The following CFI variants were observed in gnomAD, a reference collection of about 807,000 sequenced individuals.
The protein encoded by CFI is C3B/C4B inactivator.
CFI carries 66 observed loss-of-function variants against 78.8 expected under a neutral mutation model. The ratio of observed to expected loss-of-function variants is 0.84; its 90% CI spans 0.69 to 1.03. The LOEUF is 1.03. CFI is among the 50% of genes least tolerant of loss of function. The pLI is 0.00. For synonymous variants in CFI, 250 were observed against 232.6 expected (o/e 1.07, Z -0.68); for missense variants, 706 against 704.5 (o/e 1.00, Z -0.02).
At chr4:109,769,988 A>G (rs911791211) in intron 1 of CFI, among the ~76,000 whole-genome samples, 2 of 152,178 alleles carry the variant, frequency 1.3e-5, no homozygotes, top group Non-Finnish European at 2.9e-5. Flanking sequence ...ACCTGTGGGA[A>G]GCCCTTTCAC....
chr4:109,800,118 C>T (rs966049178), intron 1 of CFI, among the ~76,000 whole-genome samples: 1 of 152,022 alleles, frequency 6.6e-6, no homozygotes, highest in Non-Finnish European at 1.5e-5. Flanking sequence ...CACTGCACAC[C>T]CTCCTGTGTG....
chr4:109,765,375 A>G (rs760819816), intron 2 of CFI, among the ~76,000 whole-genome samples: 9 of 152,252 alleles, frequency 5.9e-5, no homozygotes, highest in Non-Finnish European at 1.2e-4. Flanking sequence ...GAAGACAATG[A>G]ACCTAAGCTT....
chr4:109,769,580 C>T (rs183550621), intron 1 of CFI, among the ~76,000 whole-genome samples: 2 of 152,134 alleles, frequency 1.3e-5, no homozygotes, highest in African/African-American at 4.8e-5. Flanking sequence ...CTCTCTCATG[C>T]GGGGTACTAT....
rs377394307 is a variant in CFI, at chr4:109,785,462, A to G, written c.57+16453T>C. ...ATTATTTATATATAAATACATTCAC[A>G]TATATTAGGAGCACATATTCAGAAA... On this transcript the variant is annotated intron_variant, in intron 1 of 12. Coordinates refer to ENST00000394634, the MANE Select transcript of CFI (RefSeq NM_000204.5). 6.6e-5 allele frequency among the ~76,000 whole-genome samples: 10 copies of G among 152,096 alleles called. No individual in the cohort carries two copies. The East Asian group carries it at 1.6e-3, about 24-fold the overall frequency.
At chr4:109,800,321 GTTTTTTTTTTTTTT>G (rs554145445) in intron 1 of CFI, among the ~76,000 whole-genome samples, 11 of 48,776 alleles carry the variant, frequency 2.3e-4, no homozygotes, top group Non-Finnish European at 2.8e-4. Context: ...TGGCTTCTCT[GTTTTTTTTTTTTTT>G]TTTTTTTTTT....
chr4:109,743,162 T>A (rs909713740), intron 11 of CFI, among the ~76,000 whole-genome samples: 1 of 152,200 alleles, frequency 6.6e-6, no homozygotes, highest in African/African-American at 2.4e-5. Flanking sequence ...CCTCCCAAAG[T>A]GCTGGGATTA....
intron 1 of CFI, 63 bp from the exon 2 acceptor site, chr4:109,766,887 T>A: frequency 6.4e-7 from 1 of 1,558,322 alleles, no homozygotes; most frequent in Non-Finnish European, 8.8e-7. Context: ...TGAAGATGAG[T>A]AAGTGAAGGA....
intron 1 of CFI, among the ~76,000 whole-genome samples, chr4:109,798,572 G>A (rs1444993646): frequency 6.6e-6 from 1 of 150,860 alleles, no homozygotes. Context: ...TGGTTCTTCT[G>A]GAACAGATTA....
chr4:109,738,715 G>A, downstream of CFI, among the ~76,000 whole-genome samples: 1 of 152,174 alleles, frequency 6.6e-6, no homozygotes, highest in South Asian at 2.1e-4. Context: ...AAGAGCCCAT[G>A]GGGAGAGTGC....
rs1433059338 is a variant in CFI at position 109,766,634 on chromosome 4, G to C, written c.248C>G (p.Pro83Arg). The C allele has an allele frequency of 3.7e-6, 6 of 1,613,978 alleles. No homozygotes were observed. The highest frequency in any genetic ancestry group is 1.6e-4 in the Middle Eastern group (1 of 6,084). ...AVCATNRRSF[P>R]TYCQQKSLEC... ...CAAACTCTTTTGTTGACAGTATGTT[G>C]GGAAGCTTCTCCTGTTAGTTGCACA... Residue 83 changes from proline (P) to arginine (R), a missense_variant, in exon 2 of 13, where the codon CCA (proline) becomes CGA (arginine). Physicochemically the swap from Pro to Arg is moderately radical, Grantham distance 103. Coordinates refer to ENST00000394634, the MANE Select transcript of CFI (RefSeq NM_000204.5).
intron 2 of CFI, among the ~76,000 whole-genome samples, 157 bp downstream of exon 2, chr4:109,766,397 A>G (rs1375473908): frequency 3.3e-5 from 5 of 152,154 alleles, no homozygotes; most frequent in Non-Finnish European, 7.3e-5. Context: ...GCAACCCCTG[A>G]TTTGTTTAGT....
chr4:109,749,395 G>A, intron 9 of CFI, 74 bp from the exon 10 acceptor site: 4 of 1,498,534 alleles, frequency 2.7e-6, no homozygotes, highest in Non-Finnish European at 3.7e-6. Context: ...TATTTCCATG[G>A]CAAGACTCCC....
At chr4:109,785,712 T>C (rs1032188628) in intron 1 of CFI, among the ~76,000 whole-genome samples, 1 of 152,098 alleles carries the variant, frequency 6.6e-6, no homozygotes, top group Admixed American at 6.6e-5. Flanking sequence ...CATAATTCTG[T>C]GTCAAGGGAG....
intron 12 of CFI, 112 bp from the exon 13 acceptor site, chr4:109,741,222 C>A: frequency 6.4e-7 from 1 of 1,569,354 alleles, no homozygotes; most frequent in African/African-American, 1.4e-5. Flanking sequence ...TTCCTGACAG[C>A]AATAGCATGG....
intron 1 of CFI, among the ~76,000 whole-genome samples, chr4:109,772,441 T>C (rs1728719940): frequency 1.3e-5 from 2 of 152,270 alleles, no homozygotes; most frequent in Non-Finnish European, 1.5e-5. Context: ...AATGCTATTA[T>C]GGTTAATAAG....
At chr4:109,764,749 T>A in intron 2 of CFI, 59 bp from the exon 3 acceptor site, 1 of 1,441,590 alleles carries the variant, frequency 6.9e-7, no homozygotes, top group Non-Finnish European at 9.5e-7. Context: ...TTCTCTTAAT[T>A]AAAAGTCTTT....
intron 1 of CFI, among the ~76,000 whole-genome samples, chr4:109,793,252 C>T (rs946328774): frequency 2.0e-5 from 3 of 152,192 alleles, no homozygotes; most frequent in African/African-American, 7.2e-5. Flanking sequence ...TATACTGCTC[C>T]ATCCATTCCT....
chr4:109,779,239 GTC>G (rs1459056519), intron 1 of CFI, among the ~76,000 whole-genome samples: 1 of 152,080 alleles, frequency 6.6e-6, no homozygotes, highest in Non-Finnish European at 1.5e-5. Flanking sequence ...AAACCCCATC[GTC>G]TCAGCCCGAA....
At chr4:109,752,231 T>C (rs778299055) in intron 8 of CFI, among the ~76,000 whole-genome samples, 1 of 152,180 alleles carries the variant, frequency 6.6e-6, no homozygotes, top group African/African-American at 2.4e-5. Context: ...TGGAGTATTG[T>C]TTTCATTTCA....
Sources: allele counts gnomAD v4.1 joint callset (sites outside exome capture counted in the v4.1 genomes callset), GRCh38; gene constraint gnomAD v4.1.1; transcripts MANE v1.5; gene names NCBI Gene and HGNC (gene_info 2026-07-23, HGNC 2026-07-21).